Variants in NOX4 observed in about 807,000 individuals in gnomAD.
NOX4 encodes the protein kidney oxidase-1.
Under a neutral mutation model 87.6 loss-of-function variants are expected in NOX4, and 69 were observed. The ratio of observed to expected loss-of-function variants is 0.79; its 90% CI spans 0.65 to 0.96. The LOEUF (loss-of-function observed/expected upper bound fraction) is 0.96. Among genes scored for constraint, NOX4 ranks in the 40% least tolerant of loss-of-function variants. The pLI is 0.00. For synonymous variants in NOX4, 275 were observed against 238.2 expected, an observed-to-expected ratio of 1.15 and a Z score of -1.42; for missense variants, 680 against 681.5, an observed-to-expected ratio of 1.00 and a Z score of 0.02.
chr11:89,518,504 T>C, the NOX4 span, among the ~76,000 whole-genome samples: 1 of 152,108 alleles, frequency 6.6e-6, no homozygotes, highest in Non-Finnish European at 1.5e-5. Context: ...TAATTCCTAT[T>C]TTTAAAAATG....
the NOX4 span, among the ~76,000 whole-genome samples, chr11:89,586,347 T>G: frequency 6.6e-6 from 1 of 152,306 alleles, no homozygotes; most frequent in Middle Eastern, 3.4e-3. Context: ...TTCACATGCA[T>G]TATATAATGT....
the NOX4 span, among the ~76,000 whole-genome samples, chr11:89,564,401 T>A: frequency 6.6e-6 from 1 of 152,146 alleles, no homozygotes; most frequent in African/African-American, 2.4e-5. Flanking sequence ...AACACTCAGA[T>A]ACTGTCTTCC....
At chr11:89,529,768 C>T in the NOX4 span, among the ~76,000 whole-genome samples, 1 of 152,164 alleles carries the variant, frequency 6.6e-6, no homozygotes, top group South Asian at 2.1e-4. Flanking sequence ...TTCAGTGACA[C>T]ACTGGAAAGC....
At position 89,325,989 on chromosome 11, in the gene NOX4, G is replaced by T. The variant is rs1320809704; in HGVS notation, c.*767C>A. ...TATATCCCTTTATAATTTATAGTAG[G>T]AATATTTTCATTACCATGCAATAGT... On this transcript the variant is annotated 3_prime_UTR_variant, in exon 18 of 18. Transcript: ENST00000263317. 1 of 147,688 alleles carries T rather than the reference G, an allele frequency of 6.8e-6. No individual in the cohort carries two copies. The highest frequency in any genetic ancestry group is 1.5e-5 in the Non-Finnish European group (1 of 67,180). The allele number at this position is 147,688 out of a possible 1,614,324, so 9.1% of individuals were successfully genotyped here.
At chr11:89,427,909 C>A (rs199581815) in intron 7 of NOX4, among the ~76,000 whole-genome samples, 7 of 152,066 alleles carry the variant, frequency 4.6e-5, no homozygotes, top group Non-Finnish European at 5.9e-5. Context: ...CTCAAAGACA[C>A]ATAATTGTCA....
At chr11:89,414,065 T>C (rs1396922764) in intron 8 of NOX4, among the ~76,000 whole-genome samples, 1 of 152,066 alleles carries the variant, frequency 6.6e-6, no homozygotes, top group Non-Finnish European at 1.5e-5. Flanking sequence ...GGAGATACAA[T>C]TATTTTTCTT....
At chr11:89,567,769 C>A in the NOX4 span, among the ~76,000 whole-genome samples, 2 of 152,250 alleles carry the variant, frequency 1.3e-5, no homozygotes, top group African/African-American at 4.8e-5. Flanking sequence ...GGGACACAGC[C>A]AAAACATATC....
upstream of NOX4, among the ~76,000 whole-genome samples, chr11:89,496,576 G>C (rs1174930384): frequency 7.1e-6 from 1 of 141,222 alleles, no homozygotes; most frequent in African/African-American, 2.9e-5. Flanking sequence ...GATCAATAGA[G>C]CTGTAAAAAA....
chr11:89,363,109 C>T (rs1389640073), intron 12 of NOX4, among the ~76,000 whole-genome samples: 1 of 151,860 alleles, frequency 6.6e-6, no homozygotes, highest in Non-Finnish European at 1.5e-5. Flanking sequence ...TAAATAAGTG[C>T]TAAAGGTATG....
intron 2 of NOX4, among the ~76,000 whole-genome samples, chr11:89,470,410 A>G (rs957694879): frequency 2.6e-5 from 4 of 152,198 alleles, no homozygotes; most frequent in African/African-American, 9.6e-5. Context: ...TATGTGTTCT[A>G]TAAATATATG....
chr11:89,396,956 G>T (rs1941534419), intron 11 of NOX4, among the ~76,000 whole-genome samples: 1 of 138,610 alleles, frequency 7.2e-6, no homozygotes. Context: ...ACTCAGCTCT[G>T]CCCCAAGCGG....
chr11:89,398,828 T>C (rs1278769272), intron 11 of NOX4, among the ~76,000 whole-genome samples: 1 of 151,922 alleles, frequency 6.6e-6, no homozygotes, highest in African/African-American at 2.4e-5. Flanking sequence ...ATTACAGTAC[T>C]TTCCTACTGT....
At chr11:89,383,220 G>C (rs317169) in intron 11 of NOX4, among the ~76,000 whole-genome samples, 86,418 of 152,106 alleles carry the variant, frequency 0.57, 26,401 homozygotes, top group African/African-American at 0.79. Context: ...AGCGGTCTGG[G>C]ATTCCTTAAG....
intron 11 of NOX4, among the ~76,000 whole-genome samples, chr11:89,383,478 T>C (rs113016432): frequency 5.9e-5 from 9 of 152,318 alleles, no homozygotes; most frequent in African/African-American, 2.2e-4. Flanking sequence ...CGATCGCCTC[T>C]GAAGCCTCCT....
intron 2 of NOX4, among the ~76,000 whole-genome samples, chr11:89,466,840 G>T (rs1373151364): frequency 6.6e-6 from 1 of 152,114 alleles, no homozygotes; most frequent in African/African-American, 2.4e-5. Context: ...ACTGAGATCT[G>T]AAGAATAAAA....
chr11:89,587,917 C>T, the NOX4 span, among the ~76,000 whole-genome samples: 2 of 152,054 alleles, frequency 1.3e-5, no homozygotes, highest in Non-Finnish European at 2.9e-5. Context: ...CAATAAAATA[C>T]AATAATCAGT....
At chr11:89,386,602 C>A (rs1018612688) in intron 11 of NOX4, among the ~76,000 whole-genome samples, 1 of 152,170 alleles carries the variant, frequency 6.6e-6, no homozygotes, top group African/African-American at 2.4e-5. Context: ...CATTTCTAAT[C>A]CTTCTTAAAC....
chr11:89,560,996 C>CTCTCTATA, the NOX4 span, among the ~76,000 whole-genome samples: 17 of 40,798 alleles, frequency 4.2e-4, no homozygotes, highest in African/African-American at 1.3e-3. Flanking sequence ...CTCTCTCTCT[C>CTCTCTATA]TATATATATA....
intron 2 of NOX4, among the ~76,000 whole-genome samples, chr11:89,474,953 G>A (rs1433506084): frequency 6.7e-6 from 1 of 148,588 alleles, no homozygotes; most frequent in Non-Finnish European, 1.5e-5. Context: ...ACACAATGAT[G>A]TTTTTCATTG....
Sources: gnomAD v4.1 joint callset for allele counts (sites outside exome capture counted in the v4.1 genomes callset) on GRCh38, gnomAD v4.1.1 for gene constraint, MANE v1.5 for transcripts, NCBI Gene and HGNC (gene_info 2026-07-23, HGNC 2026-07-21) for gene names.